The following SRSF7 variants were observed in gnomAD, a reference collection of about 807,000 sequenced individuals.
The protein encoded by SRSF7 is serine and arginine rich splicing factor 7.
Under a neutral mutation model 42.2 loss-of-function variants are expected in SRSF7, and 15 were observed. The observed-to-expected ratio is 0.36, with a 90% CI of 0.24 to 0.55. The LOEUF (loss-of-function observed/expected upper bound fraction) is 0.55, where lower values mean the gene tolerates loss of function less well. SRSF7 is among the 20% of genes least tolerant of loss of function. The pLI, the probability that SRSF7 is intolerant of heterozygous loss-of-function variation, is 0.88. For synonymous variants in SRSF7, 138 were observed against 107.9 expected, an observed-to-expected ratio of 1.28 and a Z score of -1.73; for missense variants, 181 against 305.9, an observed-to-expected ratio of 0.59 and a Z score of 3.04.
chr2:38,749,998 A>G lies in SRSF7; in HGVS notation c.209+16T>C, dbSNP rs767435522. ...GTATATTTTAATGAACAGAAGATTC[A>G]TAACATCTTACTTACTTTCCATCCA... On this transcript the variant is annotated intron_variant, in intron 2 of 7. Transcript: ENST00000313117. The G allele has an allele frequency of 1.4e-5, 23 of 1,596,002 alleles. No homozygotes were observed. Among genetic ancestry groups the G allele is most frequent in the South Asian group, 9.1e-5 (8 of 88,286 alleles).
chr2:38,750,052 A>G lies in SRSF7; in HGVS notation c.171T>C (p.Pro57=). 1 of 1,613,872 alleles carries G rather than the reference A, an allele frequency of 6.2e-7. No homozygotes were observed. Among genetic ancestry groups the G allele is most frequent in the South Asian group, 1.1e-5 (1 of 91,014 alleles). ...CTCGTACTGCATCTTCTGCATCTCT[A>G]GGATCTTCGAATTCCACAAAGGCAA... ...PGFAFVEFED[P]RDAEDAVRGL... is the part of the protein sequence containing the mutation. Residue 57 remains proline, a synonymous_variant, in exon 2 of 8, where the codon CCT becomes CCC. Coordinates refer to ENST00000313117, the MANE Select transcript of SRSF7 (RefSeq NM_001031684.3).
At chr2:38,747,527 A>G (rs1667642650) in intron 5 of SRSF7, among the ~76,000 whole-genome samples, 3 of 152,176 alleles carry the variant, frequency 2.0e-5, no homozygotes, top group Admixed American at 2.0e-4. Flanking sequence ...TACAAATAGT[A>G]AAGCTCTGGT....
intron 5 of SRSF7, among the ~76,000 whole-genome samples, chr2:38,747,312 A>G (rs182813479): frequency 2.8e-4 from 42 of 152,334 alleles, no homozygotes; most frequent in African/African-American, 7.9e-4. Context: ...AAATTTATCT[A>G]AAGAGATGGT....
intron 4 of SRSF7, 149 bp downstream of exon 4, chr2:38,748,430 C>T (rs1667803668): frequency 1.3e-6 from 1 of 789,904 alleles, no homozygotes; most frequent in Non-Finnish European, 2.1e-6. Context: ...ATCATCAAGG[C>T]AGCAGTGAGT....
intron 1 of SRSF7, chr2:38,750,739 T>C (rs1394574208): frequency 6.2e-6 from 1 of 161,186 alleles, no homozygotes; most frequent in Non-Finnish European, 1.4e-5. Context: ...CCATTCCCAT[T>C]CCGCAATTTA....
rs1026862155 is a variant in SRSF7, at chr2:38,745,258, T to C, written c.663-71A>G. ...AACTCTCATGTACATGTACTAACTT[T>C]CAATAACTTCAAAGGTGGCCTAAGG... On this transcript the variant is annotated intron_variant, in intron 7 of 7. Transcript: ENST00000313117. The C allele has an allele frequency of 1.1e-4, 173 of 1,521,318 alleles. 1 individual carries two copies. Among genetic ancestry groups the C allele is most frequent in the Non-Finnish European group, 1.3e-4 (138 of 1,098,238 alleles). The allele number at this position is 1,521,318 out of a possible 1,614,324, so 94.2% of individuals were successfully genotyped here. A position where few individuals can be genotyped will look rare whatever the true frequency, so the allele number is the denominator to read the frequency against.
chr2:38,747,088 T>TGTACCTGA, intron 5 of SRSF7: 1 of 489,010 alleles, frequency 2.0e-6, no homozygotes, highest in South Asian at 1.5e-5. Flanking sequence ...ATCCCTCAGC[T>TGTACCTGA]GGGCACTGTG....
At chr2:38,751,167 T>C in intron 1 of SRSF7, 62 bp downstream of exon 1, 2 of 1,606,176 alleles carry the variant, frequency 1.2e-6, no homozygotes, top group African/African-American at 1.3e-5. Flanking sequence ...GCGACAACCC[T>C]ACGGCCTCGC....
At position 38,751,303 on chromosome 2, in the gene SRSF7, C is replaced by G; in HGVS notation, c.-47G>C. ...GCTCTTTAGCAAGCAGCGCCCAGGG[C>G]TCGAGTGACGCAAAAGCTGACACAC... On this transcript the variant is annotated 5_prime_UTR_variant, in exon 1 of 8. Transcript: ENST00000313117. The G allele has an allele frequency of 8.7e-6, 14 of 1,613,570 alleles. No individual in the cohort carries two copies. The highest frequency in any genetic ancestry group is 1.2e-5 in the Non-Finnish European group (14 of 1,179,822).
Position 38,746,741 on chromosome 2 carries a change from C to T in SRSF7, c.579G>A (p.Pro193=). 2.5e-6 allele frequency: 4 copies of T among 1,613,490 alleles called. No homozygotes were observed. The highest frequency in any genetic ancestry group is 1.3e-5 in the African/African-American group (1 of 75,018). Residue 193 remains proline (P), a synonymous_variant, in exon 6 of 8, where the codon CCG becomes CCA. Transcript: ENST00000313117. ...ACCTGGATCTTGATCTTGACCTCGA[C>T]GGGGATCTTAATAAAAAAAGTGAAA... The part of the protein sequence containing the change: ...SIKGSRYFQS[P]SRSRSRSRSI...
At chr2:38,745,436 C>T (rs769902244) in intron 7 of SRSF7, among the ~76,000 whole-genome samples, 3 of 148,648 alleles carry the variant, frequency 2.0e-5, no homozygotes, top group Non-Finnish European at 4.6e-5. Flanking sequence ...AGGTGATCAC[C>T]TAAGATCAGG....
intron 5 of SRSF7, 120 bp downstream of exon 5, chr2:38,747,927 T>C: frequency 1.5e-6 from 1 of 656,180 alleles, no homozygotes; most frequent in Non-Finnish European, 2.5e-6. Context: ...ACACATAAAT[T>C]CCAAACTTTT....
At chr2:38,750,581 C>T (rs1307016942) in intron 1 of SRSF7, among the ~76,000 whole-genome samples, 2 of 151,822 alleles carry the variant, frequency 1.3e-5, no homozygotes, top group African/African-American at 4.8e-5. Flanking sequence ...GGGGCCGGGC[C>T]AGGAGAGCAG....
intron 5 of SRSF7, among the ~76,000 whole-genome samples, chr2:38,747,327 A>T (rs945015440): frequency 6.6e-6 from 1 of 152,238 alleles, no homozygotes; most frequent in Admixed American, 6.5e-5. Context: ...GATGGTTCAT[A>T]GCTTTCTCAA....
Position 38,748,972 on chromosome 2 carries a change from G to A in SRSF7, c.387-319C>T. 5 of 1,294,806 alleles carry A rather than the reference G, an allele frequency of 3.9e-6. No individual in the cohort carries two copies. In the African/African-American group the frequency reaches 4.5e-5, roughly 12 times the overall value. 80.2% of individuals were successfully genotyped at this position (1,294,806 alleles called of 1,614,324 possible). A position where few individuals can be genotyped will look rare whatever the true frequency, so the allele number is the denominator to read the frequency against. ...AGACGATCTAGAAGTATCTATAGCC[G>A]ATCGCTGCATCTAGATGTTTTCTTC... is the stretch of plus-strand genomic sequence containing the variant. On this transcript the variant is annotated intron_variant, in intron 3 of 7. Coordinates refer to ENST00000313117, the MANE Select transcript of SRSF7 (RefSeq NM_001031684.3).
At chr2:38,750,293 T>G (rs547187305) in intron 1 of SRSF7, 99 bp from the exon 2 acceptor site, 1 of 1,119,538 alleles carries the variant, frequency 8.9e-7, no homozygotes. Context: ...CAAGATTGGG[T>G]AAAGCACATT....
rs377112260 is a variant in SRSF7, at chr2:38,749,964, C to G, written c.209+50G>C. On this transcript the variant is annotated intron_variant, in intron 2 of 7. Transcript: ENST00000313117. ...CCAAATTTAGCACTAAGTTCATTAT[C>G]TAGCCACAGTATATTTTAATGAACA... 9 of 1,539,996 alleles carry G rather than the reference C, an allele frequency of 5.8e-6. No individual in the cohort carries two copies. The African/African-American group carries it at 6.9e-5, about 12-fold the overall frequency.
intron 4 of SRSF7, among the ~76,000 whole-genome samples, 184 bp from the exon 5 acceptor site, chr2:38,748,341 A>G (rs935422791): frequency 6.6e-6 from 1 of 152,154 alleles, no homozygotes; most frequent in Non-Finnish European, 1.5e-5. Flanking sequence ...AAAAATAAAA[A>G]TTAGCTGGGT....
chr2:38,746,546 A>AATAGGAC (rs1484217910), intron 6 of SRSF7, 148 bp downstream of exon 6: 2 of 1,204,250 alleles, frequency 1.7e-6, no homozygotes, highest in African/African-American at 3.0e-5. Context: ...GCCAGTAATA[A>AATAGGAC]ATAGGACATA....
Sources: gnomAD v4.1 joint callset for allele counts (sites outside exome capture counted in the v4.1 genomes callset) on GRCh38, gnomAD v4.1.1 for gene constraint, MANE v1.5 for transcripts, NCBI Gene and HGNC (gene_info 2026-07-23, HGNC 2026-07-21) for gene names.